Variants in NRXN3 observed in about 807,000 individuals in gnomAD.
NRXN3 encodes neurexin 3.
Under a neutral mutation model 137.6 loss-of-function variants are expected in NRXN3, and 32 were observed. That is an observed-to-expected ratio of 0.23 (90% CI 0.18 to 0.31). NRXN3 has a LOEUF of 0.31. NRXN3 is among the 10% of genes least tolerant of loss of function. NRXN3 has a pLI of 1.00. For synonymous variants in NRXN3, 798 were observed against 784.5 expected (o/e 1.02, Z -0.29); for missense variants, 1,574 against 2,062.5 (o/e 0.76, Z 4.59).
intron 15 of NRXN3, among the ~76,000 whole-genome samples, chr14:79,182,569 T>C (rs1343380185): frequency 6.6e-6 from 1 of 152,158 alleles, no homozygotes; most frequent in Non-Finnish European, 1.5e-5. Context: ...CAGGCAGTAA[T>C]GCGAGGAGTG....
rs59969129 is a variant in NRXN3 at position 78,757,409 on chromosome 14, T to TA, written c.2044+42283dup. 6.6e-4 allele frequency among the ~76,000 whole-genome samples: 91 copies of TA among 138,558 alleles called. 1 individual carries two copies. Among genetic ancestry groups the TA allele is most frequent in the Middle Eastern group, 3.7e-3 (1 of 270 alleles). The allele number at this position is 138,558 out of a possible 152,430, so 90.9% of individuals were successfully genotyped here. A position where few individuals can be genotyped will look rare whatever the true frequency, so the allele number is the denominator to read the frequency against. On this transcript the variant is annotated intron_variant, in intron 8 of 20. Transcript: ENST00000335750. ...GGCGACAGAGAGAGATTCCATCTCTTAAAAAAAAAAAAAGGATTCTGCATG... is the reference window on the plus strand; with the variant it reads ...GGCGACAGAGAGAGATTCCATCTCTTAAAAAAAAAAAAAAGGATTCTGCATG...
At chr14:79,750,534 G>A (rs2154089044) in intron 19 of NRXN3, among the ~76,000 whole-genome samples, 1 of 152,216 alleles carries the variant, frequency 6.6e-6, no homozygotes, top group East Asian at 1.9e-4. Flanking sequence ...CATACTTTGT[G>A]AATTCATCTG....
rs544142214 is a variant in NRXN3, at chr14:78,787,605, A to G, written c.2045-16015A>G. 2.2e-4 allele frequency among the ~76,000 whole-genome samples: 33 copies of G among 152,304 alleles called. No individual in the cohort carries two copies. The South Asian group carries it at 3.9e-3, about 18-fold the overall frequency. On this transcript the variant is annotated intron_variant, in intron 8 of 20. Coordinates refer to ENST00000335750, the MANE Select transcript of NRXN3 (RefSeq NM_001330195.2). Reference sequence around the variant, plus strand: ...AAATTTTACTAACCAGTTATTGTCAATGATAATGAGAGAGTAAATGTATTC... The same window carrying G: ...AAATTTTACTAACCAGTTATTGTCAGTGATAATGAGAGAGTAAATGTATTC...
chr14:79,064,319 T>G (rs2099677958), intron 15 of NRXN3, among the ~76,000 whole-genome samples: 1 of 152,144 alleles, frequency 6.6e-6, no homozygotes, highest in African/African-American at 2.4e-5. Flanking sequence ...TTTTCAGTGT[T>G]GTTCACGGAA....
intron 15 of NRXN3, among the ~76,000 whole-genome samples, chr14:78,997,267 G>A (rs564063257): frequency 1.3e-5 from 2 of 152,166 alleles, no homozygotes; most frequent in South Asian, 2.1e-4. Flanking sequence ...ATTATCATAA[G>A]CTGTTGGAGT....
chr14:78,796,088 A>G (rs1006375025), intron 8 of NRXN3, among the ~76,000 whole-genome samples: 1 of 152,212 alleles, frequency 6.6e-6, no homozygotes, highest in Non-Finnish European at 1.5e-5. Flanking sequence ...CAGAAGCGGT[A>G]TTATGGGTAG....
chr14:78,598,383 AGG>A (rs1566850929), intron 4 of NRXN3, among the ~76,000 whole-genome samples: 1 of 151,272 alleles, frequency 6.6e-6, no homozygotes, highest in Admixed American at 6.6e-5. Context: ...AGAGAGAGAG[AGG>A]GAGGGAGGGA....
intron 19 of NRXN3, among the ~76,000 whole-genome samples, chr14:79,792,885 A>AT (rs567938667): frequency 2.0e-5 from 3 of 151,732 alleles, no homozygotes; most frequent in East Asian, 1.9e-4. Context: ...AGGTGTTGTA[A>AT]TTTTTTTTTC....
chr14:78,795,314 C>T (rs903090342), intron 8 of NRXN3, among the ~76,000 whole-genome samples: 7 of 152,148 alleles, frequency 4.6e-5, no homozygotes, highest in African/African-American at 1.7e-4. Flanking sequence ...GCTCCTTTAA[C>T]ACAATAATTT....
At chr14:79,769,489 A>G (rs560169959) in intron 19 of NRXN3, among the ~76,000 whole-genome samples, 1 of 152,302 alleles carries the variant, frequency 6.6e-6, no homozygotes, top group African/African-American at 2.4e-5. Context: ...AAAGAAAAGA[A>G]CTTTCAACCC....
intron 4 of NRXN3, among the ~76,000 whole-genome samples, chr14:78,491,317 C>G (rs1176782686): frequency 6.6e-6 from 1 of 152,136 alleles, no homozygotes; most frequent in African/African-American, 2.4e-5. Context: ...AGATTCTGGT[C>G]AAGTCCTTCC....
At chr14:79,799,412 A>G (rs1259943605) in intron 19 of NRXN3, among the ~76,000 whole-genome samples, 7 of 152,220 alleles carry the variant, frequency 4.6e-5, no homozygotes, top group Admixed American at 2.6e-4. Flanking sequence ...AACCATGTGT[A>G]GTAGCTTCCA....
chr14:79,376,252 AT>A (rs2153446002), intron 15 of NRXN3, among the ~76,000 whole-genome samples: 1 of 75,080 alleles, frequency 1.3e-5, no homozygotes, highest in East Asian at 3.1e-4. Context: ...ATATATATAT[AT>A]ATATATATAT....
rs567378035 is a variant in NRXN3, at chr14:79,865,500, G to T, written c.*3536G>T. ...TAAAAATATATATTTAGTTAAGCCT[G>T]TGCCTTCAAGATAACATTAGTGGAG... is the stretch of plus-strand genomic sequence containing the variant. On this transcript the variant is annotated 3_prime_UTR_variant, in exon 21 of 21. Transcript: ENST00000335750. 1 of 152,250 alleles carries T rather than the reference G, an allele frequency of 6.6e-6. No homozygotes were observed. Among genetic ancestry groups the T allele is most frequent in the South Asian group, 2.1e-4 (1 of 4,822 alleles). 9.4% of individuals were successfully genotyped at this position (152,250 alleles called of 1,614,324 possible). A position where few individuals can be genotyped will look rare whatever the true frequency, so the allele number is the denominator to read the frequency against.
At chr14:79,802,730 G>T in intron 19 of NRXN3, among the ~76,000 whole-genome samples, 1 of 152,174 alleles carries the variant, frequency 6.6e-6, no homozygotes, top group African/African-American at 2.4e-5. Flanking sequence ...AGCTATTATA[G>T]GGCCCCCTCT....
intron 15 of NRXN3, among the ~76,000 whole-genome samples, chr14:79,266,487 A>C (rs1249736212): frequency 6.6e-6 from 1 of 152,192 alleles, no homozygotes; most frequent in African/African-American, 2.4e-5. Context: ...TAATGTTTCC[A>C]GGATTTTCAC....
chr14:79,142,607 G>A (rs1010165407), intron 15 of NRXN3, among the ~76,000 whole-genome samples: 3 of 152,162 alleles, frequency 2.0e-5, no homozygotes, highest in Non-Finnish European at 4.4e-5. Context: ...AGGTTAAGAA[G>A]TTGGAGATAA....
chr14:78,691,510 G>C (rs1221472239), intron 6 of NRXN3, among the ~76,000 whole-genome samples: 1 of 152,068 alleles, frequency 6.6e-6, no homozygotes, highest in African/African-American at 2.4e-5. Flanking sequence ...AATAGATTTA[G>C]GTTTTTTGAT....
intron 6 of NRXN3, among the ~76,000 whole-genome samples, chr14:78,707,717 C>T (rs1430482147): frequency 6.6e-6 from 1 of 152,164 alleles, no homozygotes; most frequent in African/African-American, 2.4e-5. Context: ...TCACACCCTT[C>T]CCCTCAAGTC....
Sources: gnomAD v4.1 joint callset for allele counts (sites outside exome capture counted in the v4.1 genomes callset) on GRCh38, gnomAD v4.1.1 for gene constraint, MANE v1.5 for transcripts, NCBI Gene and HGNC (gene_info 2026-07-23, HGNC 2026-07-21) for gene names.